ZC3H18: variants seen among roughly 807,000 people sequenced by gnomAD.
ZC3H18 encodes zinc finger CCCH-type containing 18.
ZC3H18 carries 8 observed loss-of-function variants against 106.1 expected under a neutral mutation model. The observed-to-expected ratio is 0.08, with a 90% confidence interval of 0.04 to 0.14. The LOEUF (loss-of-function observed/expected upper bound fraction) is 0.14. Among genes scored for constraint, ZC3H18 ranks in the 10% least tolerant of loss-of-function variants. ZC3H18 has a pLI of 1.00. For missense variants in ZC3H18, 1,318 were observed against 1,278.4 expected (o/e 1.03, Z -0.47); for synonymous variants, 635 against 522.1 (o/e 1.22, Z -2.95).
In ZC3H18 at chr16:88,627,503, C is replaced by T. The variant is rs368135794; in HGVS notation, c.2109-119C>T. 1,472 of 1,373,702 alleles carry T rather than the reference C, an allele frequency of 1.1e-3. 23 individuals carry two copies. In the South Asian group the frequency reaches 0.021, roughly 20 times the overall value. 85.1% of individuals were successfully genotyped at this position (1,373,702 alleles called of 1,614,324 possible). A position where few individuals can be genotyped will look rare whatever the true frequency, so the allele number is the denominator to read the frequency against. On this transcript the variant is annotated intron_variant, in intron 13 of 17. Transcript: ENST00000301011. The surrounding 1 kb of genome is among the most constrained non-coding windows in gnomAD (Gnocchi z 4.5). ...TGCCCAGTGTCCCCCCAAAATCACA[C>T]ATTCCGTGGGTACATGATCCATAAA...
At chr16:88,595,135 G>A (rs1904361651) in intron 3 of ZC3H18, among the ~76,000 whole-genome samples, 1 of 152,104 alleles carries the variant, frequency 6.6e-6, no homozygotes, top group Admixed American at 6.6e-5. Flanking sequence ...TGGGCAACAA[G>A]AACAAAACTC....
rs781452900 is a variant in ZC3H18, at chr16:88,624,585, G to A, written c.1899-17G>A. Reference sequence around the variant, plus strand: ...CGTCCACCAGCCCTGCCCTGCTCGAGCCTCCCTGTCTCACAGAGAGAAGTC... The same window carrying A: ...CGTCCACCAGCCCTGCCCTGCTCGAACCTCCCTGTCTCACAGAGAGAAGTC... On this transcript the variant is annotated splice_polypyrimidine_tract_variant and intron_variant, in intron 11 of 17. Transcript: ENST00000301011. The A allele has an allele frequency of 5.6e-6, 9 of 1,612,668 alleles. No individual in the cohort carries two copies. Among genetic ancestry groups the A allele is most frequent in the African/African-American group, 4.0e-5 (3 of 74,884 alleles).
At chr16:88,630,729 G>C in intron 17 of ZC3H18, 148 bp downstream of exon 17, 1 of 599,562 alleles carries the variant, frequency 1.7e-6, no homozygotes, top group East Asian at 3.2e-5. Context: ...TGAGGGGCAT[G>C]GACAGCGAAT....
intron 6 of ZC3H18, among the ~76,000 whole-genome samples, chr16:88,601,281 T>A (rs904313797): frequency 5.3e-5 from 8 of 152,252 alleles, no homozygotes; most frequent in Non-Finnish European, 1.0e-4. Context: ...CTCTGCAGGA[T>A]CACCAGGGGT....
intron 11 of ZC3H18, 120 bp from the exon 12 acceptor site, chr16:88,624,482 T>A: frequency 6.7e-7 from 1 of 1,492,182 alleles, no homozygotes; most frequent in Non-Finnish European, 9.1e-7. Context: ...ACGAGCGTGC[T>A]CACCGAGCGT....
At chr16:88,597,132 A>G (rs993757653) in intron 3 of ZC3H18, among the ~76,000 whole-genome samples, 1 of 152,214 alleles carries the variant, frequency 6.6e-6, no homozygotes, top group Non-Finnish European at 1.5e-5. Flanking sequence ...CATGTTAGCC[A>G]GGATGGTCTT....
chr16:88,611,375 GGAGCGC>G lies in ZC3H18; in HGVS notation c.1323_1328del (p.Glu441_Arg442del). On this transcript the variant is annotated inframe_deletion, in exon 8 of 18. Coordinates refer to ENST00000301011, the MANE Select transcript of ZC3H18 (RefSeq NM_144604.4). ...GGCAGAGGGAGCGCGAGCGAGAGCG[GGAGCGC>G]GAGCGCGACAAGGAGCGGCAGCGGA... The G allele has an allele frequency of 9.6e-7, 1 of 1,042,098 alleles. No individual in the cohort carries two copies. The highest frequency in any genetic ancestry group is 2.1e-4 in the Middle Eastern group (1 of 4,668). 64.6% of individuals were successfully genotyped at this position (1,042,098 alleles called of 1,614,324 possible).
chr16:88,585,616 T>G (rs1023141923), intron 2 of ZC3H18, among the ~76,000 whole-genome samples: 4 of 152,028 alleles, frequency 2.6e-5, no homozygotes, highest in African/African-American at 9.7e-5. Flanking sequence ...GAAAGTAAGT[T>G]GAATAATCAG....
chr16:88,591,325 C>G (rs1915739978), intron 3 of ZC3H18, among the ~76,000 whole-genome samples: 2 of 151,724 alleles, frequency 1.3e-5, no homozygotes. Context: ...GTAATCATAG[C>G]ACTTTGGGAG....
intron 6 of ZC3H18, among the ~76,000 whole-genome samples, chr16:88,601,673 C>T (rs1378065974): frequency 2.0e-5 from 3 of 152,152 alleles, no homozygotes; most frequent in Non-Finnish European, 4.4e-5. Flanking sequence ...GTTAAAGTCT[C>T]GGCAGTCAGG....
intron 2 of ZC3H18, among the ~76,000 whole-genome samples, chr16:88,581,073 A>G (rs1230024409): frequency 6.6e-6 from 1 of 152,176 alleles, no homozygotes; most frequent in Non-Finnish European, 1.5e-5. Flanking sequence ...ACCCTGGTCT[A>G]CTGGATACCT....
intron 1 of ZC3H18, 124 bp from the exon 2 acceptor site, chr16:88,576,986 T>G: frequency 6.6e-6 from 6 of 914,182 alleles, no homozygotes; most frequent in Non-Finnish European, 9.5e-6. Flanking sequence ...GAGTGTGGGA[T>G]TTGGGGCAGG....
At chr16:88,618,402 T>A (rs1276055397) in intron 8 of ZC3H18, among the ~76,000 whole-genome samples, 1 of 152,192 alleles carries the variant, frequency 6.6e-6, no homozygotes, top group Non-Finnish European at 1.5e-5. Flanking sequence ...GCCCATAGGC[T>A]CCCATCTCCC....
At chr16:88,607,173 T>C (rs567334186) in intron 6 of ZC3H18, among the ~76,000 whole-genome samples, 21 of 152,294 alleles carry the variant, frequency 1.4e-4, no homozygotes, top group African/African-American at 5.1e-4. Context: ...CCTCTGTCCC[T>C]GAGATGCCAC....
At chr16:88,604,880 A>G (rs534132912) in intron 6 of ZC3H18, among the ~76,000 whole-genome samples, 2 of 152,126 alleles carry the variant, frequency 1.3e-5, no homozygotes, top group African/African-American at 2.4e-5. Context: ...AATCAGAGTC[A>G]GGCTGTCAGG....
At chr16:88,573,294 A>G (rs894262683) in intron 1 of ZC3H18, among the ~76,000 whole-genome samples, 1 of 152,034 alleles carries the variant, frequency 6.6e-6, no homozygotes, top group African/African-American at 2.4e-5. Context: ...ATGTTTATAC[A>G]TTGTAATAAA....
rs114411696 is a variant in ZC3H18 at position 88,607,701 on chromosome 16, C to T, written c.1089-1233C>T. Among the ~76,000 whole-genome samples the T allele has an allele frequency of 5.7e-3, 871 of 151,702 alleles. 11 individuals carry two copies. The highest frequency in any genetic ancestry group is 0.02 in the African/African-American group (834 of 41,296). On this transcript the variant is annotated intron_variant, in intron 6 of 17. Coordinates refer to ENST00000301011, the MANE Select transcript of ZC3H18 (RefSeq NM_144604.4). The stretch of plus-strand genomic sequence containing the variant: ...TCACACACGCTTCATGTCTCTCAGG[C>T]GTCTCCCCATTTATTCACACACACT...
At chr16:88,630,997 G>A (rs1433943807) in intron 17 of ZC3H18, 104 bp from the exon 18 acceptor site, 15 of 1,437,734 alleles carry the variant, frequency 1.0e-5, no homozygotes, top group Non-Finnish European at 1.4e-5. Context: ...TGCCTGTCCT[G>A]GTGGCCGCTG....
In ZC3H18 at chr16:88,622,235, C is replaced by T. The variant is rs932604474; in HGVS notation, c.1514C>T (p.Thr505Met). The T allele has an allele frequency of 5.6e-6, 9 of 1,612,570 alleles. No homozygotes were observed. Among genetic ancestry groups the T allele is most frequent in the African/African-American group, 5.3e-5 (4 of 74,904 alleles). The change falls in exon 9 of 18, where the codon ACG becomes ATG. Residue 505 changes from threonine to methionine, a missense_variant. Physicochemically the swap from Thr to Met is moderately conservative, Grantham distance 81. This residue lies in a region of ZC3H18 where 848 missense variants were observed against 821.7 expected (regional missense o/e 1.03). Transcript: ENST00000301011. Reference protein sequence around the residue: ...AEPPKKEAATTGPQVKRADEW... With the variant: ...AEPPKKEAATMGPQVKRADEW... ...CCACCAAAGAAGGAGGCTGCCACCA[C>T]GGGGCCGCAGGTGAAGAGAGCAGAT... is the stretch of plus-strand genomic sequence containing the variant.
Sources: gnomAD v4.1 joint callset for allele counts (sites outside exome capture counted in the v4.1 genomes callset) on GRCh38, gnomAD v4.1.1 for gene constraint, gnomAD v4.1.1 regional missense constraint, Gnocchi (gnomAD v3.1) non-coding constraint, MANE v1.5 for transcripts, NCBI Gene and HGNC (gene_info 2026-07-23, HGNC 2026-07-21) for gene names.